The following CCSER1 variants were observed in gnomAD, a reference collection of about 807,000 sequenced individuals.
CCSER1 encodes the protein coiled-coil serine rich protein 1, also known as serine-rich coiled-coil domain-containing protein 1.
In CCSER1, 41 loss-of-function variants were observed where a neutral mutation model predicts 82.0. The observed-to-expected ratio is 0.50, with a 90% confidence interval of 0.39 to 0.65. The LOEUF (loss-of-function observed/expected upper bound fraction) is 0.65. CCSER1 is among the 30% of genes least tolerant of loss of function. The pLI, the probability that CCSER1 is intolerant of heterozygous loss-of-function variation, is 0.00. For synonymous variants in CCSER1, 414 were observed against 383.9 expected (o/e 1.08, Z -0.92); for missense variants, 1,119 against 1,064.2 (o/e 1.05, Z -0.72).
At chr4:91,257,118 AATTTACC>A (rs1357917559) in intron 10 of CCSER1, among the ~76,000 whole-genome samples, 1 of 152,122 alleles carries the variant, frequency 6.6e-6, no homozygotes, top group Non-Finnish European at 1.5e-5. Context: ...ATACTAACAG[AATTTACC>A]TTAGATGAAA....
intron 10 of CCSER1, among the ~76,000 whole-genome samples, chr4:91,422,884 G>C (rs1047959943): frequency 7.2e-5 from 11 of 152,014 alleles, no homozygotes; most frequent in Non-Finnish European, 1.5e-4. Flanking sequence ...AATTTATATA[G>C]GACTGAGAGG....
intron 7 of CCSER1, among the ~76,000 whole-genome samples, chr4:90,803,027 A>T (rs542567506): frequency 6.6e-6 from 1 of 152,238 alleles, no homozygotes; most frequent in East Asian, 1.9e-4. Flanking sequence ...TAAATCTTAC[A>T]GTAAAGCCCT....
chr4:90,439,331 A>C (rs74619120), intron 4 of CCSER1, among the ~76,000 whole-genome samples: 1 of 152,002 alleles, frequency 6.6e-6, no homozygotes, highest in Non-Finnish European at 1.5e-5. Context: ...AACAAAAAAA[A>C]CCAGCCTTAG....
At chr4:90,731,010 T>C (rs1478461662) in intron 7 of CCSER1, among the ~76,000 whole-genome samples, 1 of 152,132 alleles carries the variant, frequency 6.6e-6, no homozygotes, top group Non-Finnish European at 1.5e-5. Context: ...TGTTAAACTA[T>C]TGCTTTGGTT....
At chr4:91,543,183 A>G (rs1463008215) in intron 10 of CCSER1, among the ~76,000 whole-genome samples, 3 of 151,750 alleles carry the variant, frequency 2.0e-5, no homozygotes, top group African/African-American at 4.8e-5. Context: ...CTTATTTTGA[A>G]CCTATGTGTG....
chr4:90,727,231 CACAT>C, intron 7 of CCSER1: 1 of 456,066 alleles, frequency 2.2e-6, no homozygotes, highest in Non-Finnish European at 4.4e-6. Flanking sequence ...CAACTGTACA[CACAT>C]ATGGTCTGAC....
At chr4:91,435,154 C>G (rs1754573967) in intron 10 of CCSER1, among the ~76,000 whole-genome samples, 1 of 152,178 alleles carries the variant, frequency 6.6e-6, no homozygotes, top group South Asian at 2.1e-4. Context: ...ACAAAAGTGT[C>G]TAGGCTGGGT....
intron 9 of CCSER1, among the ~76,000 whole-genome samples, chr4:91,021,668 A>G (rs970941311): frequency 5.3e-5 from 8 of 152,186 alleles, no homozygotes; most frequent in African/African-American, 1.4e-4. Context: ...TGTATTGACC[A>G]TCTACTATGT....
chr4:90,282,429 T>A (rs551012811), intron 1 of CCSER1, among the ~76,000 whole-genome samples: 1 of 150,708 alleles, frequency 6.6e-6, no homozygotes, highest in Admixed American at 6.6e-5. Context: ...ATTATATATA[T>A]TTATGTATAT....
intron 7 of CCSER1, among the ~76,000 whole-genome samples, chr4:90,742,075 CAGA>C (rs1746640027): frequency 6.6e-6 from 1 of 151,812 alleles, no homozygotes; most frequent in South Asian, 2.1e-4. Context: ...CTTCAAATGG[CAGA>C]AGGAGAGGGA....
chr4:91,359,246 T>C (rs1278598218), intron 10 of CCSER1, among the ~76,000 whole-genome samples: 1 of 151,890 alleles, frequency 6.6e-6, no homozygotes, highest in Non-Finnish European at 1.5e-5. Flanking sequence ...CTGTAATCTA[T>C]GAATAACATT....
intron 5 of CCSER1, among the ~76,000 whole-genome samples, chr4:90,545,291 G>T (rs1240807582): frequency 6.6e-6 from 1 of 151,898 alleles, no homozygotes; most frequent in Non-Finnish European, 1.5e-5. Context: ...GTTTTTGAAG[G>T]GAACAGAAAT....
At chr4:90,173,435 C>T (rs1732105934) in intron 1 of CCSER1, among the ~76,000 whole-genome samples, 1 of 151,630 alleles carries the variant, frequency 6.6e-6, no homozygotes, top group African/African-American at 2.4e-5. Flanking sequence ...ATCAAGGTCT[C>T]CCAAACAAAT....
chr4:90,384,977 A>G (rs950296388), intron 3 of CCSER1, among the ~76,000 whole-genome samples: 1 of 152,122 alleles, frequency 6.6e-6, no homozygotes, highest in African/African-American at 2.4e-5. Context: ...AAGTGAGAAT[A>G]TGCTGTATTT....
chr4:90,528,678 A>G (rs538954816), intron 5 of CCSER1, among the ~76,000 whole-genome samples: 96 of 152,330 alleles, frequency 6.3e-4, no homozygotes, highest in African/African-American at 2.3e-3. Flanking sequence ...CACACGTTCC[A>G]TTAACCAGTG....
At chr4:90,220,877 A>G (rs1471348579) in intron 1 of CCSER1, among the ~76,000 whole-genome samples, 1 of 152,122 alleles carries the variant, frequency 6.6e-6, no homozygotes, top group Non-Finnish European at 1.5e-5. Flanking sequence ...CTGGATTTTA[A>G]TTTTTCTTAT....
intron 5 of CCSER1, among the ~76,000 whole-genome samples, chr4:90,579,020 A>AGG (rs59270827): frequency 0.45 from 67,558 of 151,040 alleles, 18,436 homozygotes; most frequent in African/African-American, 0.77. Context: ...GTCTATTAAA[A>AGG]AAAGCTTGAC....
chr4:90,877,287 G>T (rs575111352), intron 8 of CCSER1, among the ~76,000 whole-genome samples: 2 of 152,080 alleles, frequency 1.3e-5, no homozygotes, highest in East Asian at 3.9e-4. Flanking sequence ...TCCTTATCTT[G>T]TTTTTTCTTA....
chr4:90,381,809 G>C (rs1749252202), intron 3 of CCSER1, among the ~76,000 whole-genome samples: 1 of 151,892 alleles, frequency 6.6e-6, no homozygotes, highest in Admixed American at 6.6e-5. Flanking sequence ...ATTTCAATTT[G>C]TTTAATTGAT....
Sources: allele counts gnomAD v4.1 joint callset (sites outside exome capture counted in the v4.1 genomes callset), GRCh38; gene constraint gnomAD v4.1.1; transcripts MANE v1.5; gene names NCBI Gene and HGNC (gene_info 2026-07-23, HGNC 2026-07-21).